PCCA: variants seen among roughly 807,000 people sequenced by gnomAD.
PCCA encodes the protein propionyl-CoA carboxylase alpha chain, mitochondrial.
Under a neutral mutation model 101.3 loss-of-function variants are expected in PCCA, and 74 were observed. That is an observed-to-expected ratio of 0.73 (90% confidence interval 0.61 to 0.89). The LOEUF is 0.89. PCCA is among the 40% of genes least tolerant of loss of function. The probability of loss-of-function intolerance (pLI) is 0.00; values close to 1 mark genes in which losing one functional copy is unlikely to be tolerated. For missense variants in PCCA, 891 were observed against 907.0 expected, an observed-to-expected ratio of 0.98 and a Z score of 0.23; for synonymous variants, 294 against 313.6, an observed-to-expected ratio of 0.94 and a Z score of 0.66.
intron 6 of PCCA, among the ~76,000 whole-genome samples, chr13:100,202,286 A>G (rs2058570079): frequency 6.6e-6 from 1 of 152,094 alleles, no homozygotes; most frequent in Non-Finnish European, 1.5e-5. Context: ...GTGAACTATA[A>G]TGGCACCCCT....
Position 100,431,136 on chromosome 13 carries a change from G to A in PCCA, c.1845+5405G>A, listed in dbSNP as rs79961999. 9.6e-3 allele frequency among the ~76,000 whole-genome samples: 1,458 copies of A among 152,132 alleles called. 22 individuals carry two copies. Among genetic ancestry groups the A allele is most frequent in the African/African-American group, 0.033 (1,374 of 41,502 alleles). On this transcript the variant is annotated intron_variant, in intron 20 of 23. Coordinates refer to ENST00000376285, the MANE Select transcript of PCCA (RefSeq NM_000282.4). ...TTCCCAGACTACTTAGGTTTTTCCT[G>A]ACTGGTGGGTTTAGATGGCATCTCA...
intron 17 of PCCA, among the ~76,000 whole-genome samples, chr13:100,336,983 C>G (rs2070568637): frequency 6.6e-6 from 1 of 151,992 alleles, no homozygotes; most frequent in Non-Finnish European, 1.5e-5. Flanking sequence ...ATTCCACATG[C>G]ACCCAGCAGC....
At chr13:100,289,807 A>C (rs940110882) in intron 12 of PCCA, among the ~76,000 whole-genome samples, 3 of 152,146 alleles carry the variant, frequency 2.0e-5, no homozygotes, top group Non-Finnish European at 2.9e-5. Flanking sequence ...TTTTTAGTTT[A>C]TCTCTTCTTT....
chr13:100,168,442 T>TG (rs970484481), intron 6 of PCCA, among the ~76,000 whole-genome samples: 22 of 152,302 alleles, frequency 1.4e-4, no homozygotes, highest in African/African-American at 4.6e-4. Flanking sequence ...GGAAATGGCA[T>TG]GGGGGCAGTT....
chr13:100,142,549 A>G (rs974733179), intron 4 of PCCA, among the ~76,000 whole-genome samples: 1 of 147,174 alleles, frequency 6.8e-6, no homozygotes, highest in African/African-American at 2.5e-5. Context: ...ATCTCGGCTC[A>G]TGCAACCTCC....
At chr13:100,368,939 A>G (rs915931970) in intron 19 of PCCA, among the ~76,000 whole-genome samples, 1 of 152,342 alleles carries the variant, frequency 6.6e-6, no homozygotes, top group East Asian at 1.9e-4. Context: ...GAAGCCTCAC[A>G]TAACATTATC....
chr13:100,350,177 A>T (rs942394928), intron 18 of PCCA, among the ~76,000 whole-genome samples: 5 of 152,240 alleles, frequency 3.3e-5, no homozygotes, highest in African/African-American at 1.2e-4. Context: ...GAACGGGTAC[A>T]TACTGGCTCT....
intron 19 of PCCA, among the ~76,000 whole-genome samples, chr13:100,398,351 A>G (rs1423174931): frequency 6.6e-6 from 1 of 152,222 alleles, no homozygotes; most frequent in Non-Finnish European, 1.5e-5. Flanking sequence ...ACGTTACCTC[A>G]GTGGGAAGGT....
chr13:100,260,532 G>A (rs975108815), intron 9 of PCCA, among the ~76,000 whole-genome samples: 1 of 151,876 alleles, frequency 6.6e-6, no homozygotes, highest in Non-Finnish European at 1.5e-5. Flanking sequence ...AAGTAGCTGG[G>A]ACTACAGGCG....
intron 1 of PCCA, among the ~76,000 whole-genome samples, chr13:100,092,247 A>T (rs962999358): frequency 2.6e-5 from 4 of 152,218 alleles, no homozygotes; most frequent in African/African-American, 9.6e-5. Context: ...TTATCCTTAT[A>T]ACAACTAGGT....
intron 21 of PCCA, among the ~76,000 whole-genome samples, chr13:100,501,900 T>TAAATAAATAAAA (rs1300510099): frequency 6.8e-6 from 1 of 146,574 alleles, no homozygotes; most frequent in South Asian, 2.1e-4. Context: ...AATAAATAAA[T>TAAATAAATAAAA]AAAATGCACC....
chr13:100,452,095 TCCTC>T (rs1294836061), intron 21 of PCCA, among the ~76,000 whole-genome samples: 45 of 98,278 alleles, frequency 4.6e-4, no homozygotes, highest in African/African-American at 1.6e-3. Flanking sequence ...CTCCTCTTCC[TCCTC>T]TTCCTTTCTC....
intron 6 of PCCA, among the ~76,000 whole-genome samples, chr13:100,194,528 C>T (rs1366535508): frequency 1.3e-5 from 2 of 152,160 alleles, no homozygotes; most frequent in Non-Finnish European, 2.9e-5. Flanking sequence ...AGCAATTCTC[C>T]TGCCTCAGCC....
intron 7 of PCCA, among the ~76,000 whole-genome samples, chr13:100,213,191 G>A (rs1342632434): frequency 1.3e-5 from 2 of 152,126 alleles, no homozygotes. Context: ...TAGTGTTGTG[G>A]TAAACATGGT....
chr13:100,280,378 C>T (rs1237559956), intron 12 of PCCA, among the ~76,000 whole-genome samples: 2 of 151,678 alleles, frequency 1.3e-5, no homozygotes, highest in African/African-American at 2.4e-5. Context: ...GTATGAATTG[C>T]AAGAGACTCC....
In PCCA at chr13:100,404,311, G is replaced by A. The variant is rs112013329; in HGVS notation, c.1747-21322G>A. On this transcript the variant is annotated intron_variant, in intron 19 of 23. Transcript: ENST00000376285. The stretch of plus-strand genomic sequence containing the variant: ...CTTTTGCTGGCATGTTGGGCTTCTG[G>A]GTTCCCTTCCCCTGAGCCCAGTCCT... Among the ~76,000 whole-genome samples the A allele has an allele frequency of 6.3e-3, 954 of 152,282 alleles. 11 individuals carry two copies. The highest frequency in any genetic ancestry group is 0.01 in the Non-Finnish European group (693 of 68,006).
intron 4 of PCCA, among the ~76,000 whole-genome samples, chr13:100,140,480 C>T (rs6491545): frequency 0.7 from 107,033 of 152,038 alleles, 38,782 homozygotes; most frequent in African/African-American, 0.88. Flanking sequence ...AGCTCCCTTT[C>T]CTGCCTTTTG....
chr13:100,374,421 C>G (rs2075772343), intron 19 of PCCA, among the ~76,000 whole-genome samples: 1 of 152,014 alleles, frequency 6.6e-6, no homozygotes, highest in Non-Finnish European at 1.5e-5. Flanking sequence ...TCTGGATTCC[C>G]AGGATGTTTT....
intron 21 of PCCA, among the ~76,000 whole-genome samples, chr13:100,452,229 C>G (rs909419110): frequency 1.3e-5 from 2 of 150,432 alleles, no homozygotes; most frequent in African/African-American, 4.9e-5. Context: ...TTCTCTTTTC[C>G]CCATCTGTCT....
Sources: allele counts gnomAD v4.1 joint callset (sites outside exome capture counted in the v4.1 genomes callset), GRCh38; gene constraint gnomAD v4.1.1; transcripts MANE v1.5; gene names NCBI Gene and HGNC (gene_info 2026-07-23, HGNC 2026-07-21).